Variants in CRACDL observed in about 807,000 individuals in gnomAD.
CRACDL encodes the protein CRACD like, also known as CRACD-like protein.
In CRACDL, 26 loss-of-function variants were observed where a neutral mutation model predicts 70.6. That is an observed-to-expected ratio of 0.37 (90% CI 0.27 to 0.51). The LOEUF (loss-of-function observed/expected upper bound fraction) is 0.51, where lower values mean the gene tolerates loss of function less well. CRACDL is among the 20% of genes least tolerant of loss of function. The pLI, the probability that CRACDL is intolerant of heterozygous loss-of-function variation, is 0.94. For synonymous variants in CRACDL, 618 were observed against 615.2 expected (o/e 1.00, Z -0.07); for missense variants, 1,283 against 1,376.9 (o/e 0.93, Z 1.08).
At chr2:98,860,532 T>C (rs1216904226) in intron 1 of CRACDL, among the ~76,000 whole-genome samples, 1 of 152,194 alleles carries the variant, frequency 6.6e-6, no homozygotes, top group Admixed American at 6.5e-5. Context: ...AGGGATATCA[T>C]CTTTTCAACA....
intron 7 of CRACDL, among the ~76,000 whole-genome samples, chr2:98,800,672 T>C (rs191115727): frequency 4.8e-4 from 73 of 152,310 alleles, no homozygotes; most frequent in Admixed American, 1.6e-3. Context: ...TCGAGACACT[T>C]GCCTCACTAT....
intron 7 of CRACDL, among the ~76,000 whole-genome samples, chr2:98,808,115 T>C (rs1413508506): frequency 6.6e-6 from 1 of 152,246 alleles, no homozygotes; most frequent in Non-Finnish European, 1.5e-5. Flanking sequence ...CTACTGGCTC[T>C]GTGTTAGAGA....
chr2:98,838,097 A>T, intron 3 of CRACDL, 22 bp downstream of exon 3: 1 of 1,584,648 alleles, frequency 6.3e-7, no homozygotes. Flanking sequence ...TCCTGGCCCG[A>T]GGGATGTAAA....
intron 1 of CRACDL, among the ~76,000 whole-genome samples, chr2:98,863,864 C>T (rs4851164): frequency 0.12 from 18,419 of 152,118 alleles, 1,546 homozygotes; most frequent in Admixed American, 0.24. Context: ...TAGTCAAAAT[C>T]GTAGCATCAG....
intron 1 of CRACDL, among the ~76,000 whole-genome samples, chr2:98,889,330 A>C (rs1707899464): frequency 7.1e-6 from 1 of 141,068 alleles, no homozygotes; most frequent in Admixed American, 6.9e-5. Context: ...AAAGAAAGAA[A>C]GAAAGAAAGA....
chr2:98,883,506 C>T (rs1338194482), intron 1 of CRACDL, among the ~76,000 whole-genome samples: 1 of 152,202 alleles, frequency 6.6e-6, no homozygotes, highest in East Asian at 1.9e-4. Context: ...CACTGCTGGC[C>T]TGAGACCTGC....
At chr2:98,813,309 G>C (rs1187125309) in intron 7 of CRACDL, among the ~76,000 whole-genome samples, 1 of 152,150 alleles carries the variant, frequency 6.6e-6, no homozygotes, top group Admixed American at 6.5e-5. Flanking sequence ...GTGGGTGCCT[G>C]TAATCCTAGC....
At chr2:98,868,414 A>T (rs1403188457) in intron 1 of CRACDL, among the ~76,000 whole-genome samples, 2 of 152,242 alleles carry the variant, frequency 1.3e-5, no homozygotes, top group African/African-American at 4.8e-5. Flanking sequence ...TATGAGAAAC[A>T]CAAATCTGTT....
intron 7 of CRACDL, among the ~76,000 whole-genome samples, chr2:98,810,202 A>G (rs1356733179): frequency 6.6e-6 from 1 of 152,198 alleles, no homozygotes; most frequent in Non-Finnish European, 1.5e-5. Flanking sequence ...CGAGTGAAGT[A>G]CGCTCAATAT....
Position 98,832,399 on chromosome 2 carries a change from G to T in CRACDL, c.489C>A (p.Ser163Arg), listed in dbSNP as rs183847278. The part of the protein sequence containing the change: ...MSSEDDGLPR[S>R]PPEMSLLHDV... ...CGTGCAGCAGAGACATCTCTGGGGG[G>T]CTCCTGGGCAGCCCGTCGTCCTCAG... Residue 163 changes from serine to arginine, a missense_variant, in exon 5 of 10, where the codon AGC (serine) becomes AGA (arginine). Ser to Arg is a moderately radical substitution (Grantham distance 110, BLOSUM62 -1). Around this residue, in one of 2 missense-constraint regions of CRACDL, gnomAD observed 362 missense variants for 495.0 expected, o/e 0.73. Transcript: ENST00000397899. The T allele has an allele frequency of 4.3e-6, 7 of 1,614,086 alleles. No individual in the cohort carries two copies. Among genetic ancestry groups the T allele is most frequent in the Non-Finnish European group, 5.9e-6 (7 of 1,180,040 alleles).
chr2:98,850,776 C>T (rs576887682), intron 1 of CRACDL, among the ~76,000 whole-genome samples: 21 of 152,328 alleles, frequency 1.4e-4, no homozygotes, highest in Non-Finnish European at 2.9e-4. Context: ...CCAAGGGAGT[C>T]CTGCATCTAA....
intron 3 of CRACDL, among the ~76,000 whole-genome samples, 161 bp from the exon 4 acceptor site, chr2:98,833,158 G>A (rs72811007): frequency 0.11 from 17,233 of 152,322 alleles, 1,201 homozygotes; most frequent in South Asian, 0.25. Flanking sequence ...TCATCCACAC[G>A]CTGTCAAATG....
chr2:98,814,771 G>A (rs1411171885), intron 7 of CRACDL, among the ~76,000 whole-genome samples: 2 of 152,108 alleles, frequency 1.3e-5, no homozygotes, highest in African/African-American at 4.8e-5. Flanking sequence ...ACAGAGGAGT[G>A]CTAAAGTCTC....
At chr2:98,802,311 T>G (rs1423428295) in intron 7 of CRACDL, among the ~76,000 whole-genome samples, 1 of 152,246 alleles carries the variant, frequency 6.6e-6, no homozygotes, top group Non-Finnish European at 1.5e-5. Context: ...GCACACGCTG[T>G]GTGTTACAGC....
intron 1 of CRACDL, among the ~76,000 whole-genome samples, chr2:98,881,356 C>T (rs1257505955): frequency 6.6e-6 from 1 of 152,196 alleles, no homozygotes; most frequent in Admixed American, 6.5e-5. Context: ...TCTGAATCTG[C>T]ACTTCACCAA....
chr2:98,896,678 G>A (rs1241505629), intron 1 of CRACDL, among the ~76,000 whole-genome samples: 2 of 152,202 alleles, frequency 1.3e-5, no homozygotes, highest in Non-Finnish European at 1.5e-5. Flanking sequence ...CCTGCGTCTG[G>A]AGGGAGGGCT....
chr2:98,914,206 C>G (rs1465101772), intron 1 of CRACDL, among the ~76,000 whole-genome samples: 2 of 152,234 alleles, frequency 1.3e-5, no homozygotes, highest in Non-Finnish European at 2.9e-5. Context: ...GTTGGTGAAG[C>G]TCTTCACTTC....
intron 7 of CRACDL, among the ~76,000 whole-genome samples, chr2:98,817,111 G>T (rs539035572): frequency 6.6e-6 from 1 of 152,306 alleles, no homozygotes; most frequent in South Asian, 2.1e-4. Context: ...AGAAGGACAA[G>T]TATTACATGA....
chr2:98,809,196 G>T (rs1358386973), intron 7 of CRACDL, among the ~76,000 whole-genome samples: 1 of 152,190 alleles, frequency 6.6e-6, no homozygotes, highest in Non-Finnish European at 1.5e-5. Flanking sequence ...TTTCCCGAGG[G>T]CTGAGAGCTG....
Sources: allele counts gnomAD v4.1 joint callset (sites outside exome capture counted in the v4.1 genomes callset), GRCh38; gene constraint gnomAD v4.1.1; regional missense constraint gnomAD v4.1.1; transcripts MANE v1.5; gene names NCBI Gene and HGNC (gene_info 2026-07-23, HGNC 2026-07-21).